The following SHH variants were observed in gnomAD, a reference collection of about 807,000 sequenced individuals.
SHH encodes sonic hedgehog signaling molecule.
Under a neutral mutation model 16.6 loss-of-function variants are expected in SHH, and 3 were observed. The ratio of observed to expected loss-of-function variants is 0.18; its 90% CI spans 0.08 to 0.47. The LOEUF (loss-of-function observed/expected upper bound fraction) is 0.47, where lower values mean the gene tolerates loss of function less well. Among genes scored for constraint, SHH ranks in the 20% least tolerant of loss-of-function variants. SHH has a pLI of 0.98. For missense variants in SHH, 499 were observed against 665.0 expected (o/e 0.75, Z 2.75); for synonymous variants, 351 against 316.2 (o/e 1.11, Z -1.17).
chr7:155,808,480 C>G (rs1279451783), intron 1 of SHH, among the ~76,000 whole-genome samples: 2 of 152,218 alleles, frequency 1.3e-5, no homozygotes, highest in Non-Finnish European at 2.9e-5. Flanking sequence ...CATGGAGGAC[C>G]CCGGGCAGGG....
At chr7:155,808,720 C>A (rs369707427) in intron 1 of SHH, among the ~76,000 whole-genome samples, 1 of 152,308 alleles carries the variant, frequency 6.6e-6, no homozygotes, top group South Asian at 2.1e-4. Flanking sequence ...GCGAATCAAG[C>A]CCGACTCTGT....
intron 2 of SHH, 121 bp downstream of exon 2, chr7:155,806,175 T>C (rs1326911742): frequency 1.6e-6 from 2 of 1,276,094 alleles, no homozygotes; most frequent in Admixed American, 1.7e-5. Context: ...AACGCAGTCA[T>C]CGCCCAGCGA....
rs1037338693 is a variant in SHH at position 155,809,767 on chromosome 7, G to T, written c.300+2056C>A. Reference sequence around the variant, plus strand: ...AGAAGTTCAAATGCTGCCTGTGCGCGCGGCGGCGAGAGTGGCCGGGCGCGG... The same window carrying T: ...AGAAGTTCAAATGCTGCCTGTGCGCTCGGCGGCGAGAGTGGCCGGGCGCGG... On this transcript the variant is annotated intron_variant, in intron 1 of 2. Coordinates refer to ENST00000297261, the MANE Select transcript of SHH (RefSeq NM_000193.4). The surrounding 1 kb of genome is among the most constrained non-coding windows in gnomAD (Gnocchi z 6.1). Among the ~76,000 whole-genome samples the T allele has an allele frequency of 3.9e-5, 6 of 152,016 alleles. No individual in the cohort carries two copies. The highest frequency in any genetic ancestry group is 7.4e-5 in the Non-Finnish European group (5 of 67,958).
In SHH at chr7:155,800,525, G is replaced by A. The variant is rs1563197475; in HGVS notation, c.*2375C>T. 2.1e-6 allele frequency: 1 copy of A among 470,520 alleles called. No homozygotes were observed. The highest frequency in any genetic ancestry group is 3.3e-4 in the Middle Eastern group (1 of 3,076). 29.1% of individuals were successfully genotyped at this position (470,520 alleles called of 1,614,324 possible). A position where few individuals can be genotyped will look rare whatever the true frequency, so the allele number is the denominator to read the frequency against. ...GCTGCACGGCCACATTGCCAGGTCT[G>A]TCTACACAGCCAGAGGAGCTGCTGT... On this transcript the variant is annotated 3_prime_UTR_variant, in exon 3 of 3. Transcript: ENST00000297261.
intron 1 of SHH, 177 bp from the exon 2 acceptor site, chr7:155,806,734 G>T: frequency 2.6e-6 from 2 of 782,468 alleles, no homozygotes; most frequent in Non-Finnish European, 4.5e-6. Flanking sequence ...CCTGGGCTGG[G>T]GAAGAGGGAC....
rs1481487167 is a variant in SHH, at chr7:155,812,370, C to G, written c.-248G>C. 1.7e-6 allele frequency: 1 copy of G among 584,590 alleles called. No individual in the cohort carries two copies. Among genetic ancestry groups the G allele is most frequent in the African/African-American group, 1.9e-5 (1 of 53,516 alleles). The allele number at this position is 584,590 out of a possible 1,614,324, so 36.2% of individuals were successfully genotyped here. A position where few individuals can be genotyped will look rare whatever the true frequency, so the allele number is the denominator to read the frequency against. ...GGCTGGAATGGCAGGCTGCCGGCCG[C>G]TGATAACGGAACACATCGGAGTTGG... is the stretch of plus-strand genomic sequence containing the variant. On this transcript the variant is annotated 5_prime_UTR_variant, in exon 1 of 3. Transcript: ENST00000297261.
intron 2 of SHH, among the ~76,000 whole-genome samples, chr7:155,805,533 G>A (rs914190054): frequency 1.3e-5 from 2 of 152,238 alleles, no homozygotes; most frequent in Non-Finnish European, 2.9e-5. Flanking sequence ...TTATGCGGGC[G>A]GAGAAGAGCG....
At position 155,812,244 on chromosome 7, in the gene SHH, G is replaced by T; in HGVS notation, c.-122C>A. ...TTCCCTTCCTCGCTCCGGCTCGCCC[G>T]CTCGCTCTCTCCCTCGCTGGCTGCC... On this transcript the variant is annotated 5_prime_UTR_variant, in exon 1 of 3. Transcript: ENST00000297261. 1 of 941,088 alleles carries T rather than the reference G, an allele frequency of 1.1e-6. No homozygotes were observed. Among genetic ancestry groups the T allele is most frequent in the Non-Finnish European group, 1.7e-6 (1 of 588,494 alleles). 58.3% of individuals were successfully genotyped at this position (941,088 alleles called of 1,614,324 possible). A position where few individuals can be genotyped will look rare whatever the true frequency, so the allele number is the denominator to read the frequency against.
In SHH at chr7:155,803,659, G is replaced by A. The variant is rs9333634; in HGVS notation, c.630C>T (p.Gly210=). The change falls in exon 3 of 3, where the codon GGC becomes GGT. Residue 210 remains glycine (G), a synonymous_variant. Coordinates refer to ENST00000297261, the MANE Select transcript of SHH (RefSeq NM_000193.4). The stretch of plus-strand genomic sequence containing the variant: ...TCAGGTCCTTCACCAGCTTGGTGCC[G>A]CCCTGCTCCAGGTGCACCGTGGCCG... ...PGSATVHLEQ[G]GTKLVKDLSP... The A allele has an allele frequency of 2.1e-3, 3,294 of 1,597,626 alleles. 68 individuals carry two copies. The African/African-American group carries it at 0.039, about 19-fold the overall frequency.
Position 155,811,925 on chromosome 7 carries a change from G to T in SHH, c.198C>A (p.Ile66=). ...LGASGRYEGK[I]SRNSERFKEL... is the part of the protein sequence containing the mutation. Reference sequence around the variant, plus strand: ...CCTTAAATCGCTCGGAGTTTCTGGAGATCTTCCCTTCATACCTTCCGCTGG... The same window carrying T: ...CCTTAAATCGCTCGGAGTTTCTGGATATCTTCCCTTCATACCTTCCGCTGG... The change falls in exon 1 of 3, where the codon ATC becomes ATA. Residue 66 remains isoleucine, a synonymous_variant. Coordinates refer to ENST00000297261, the MANE Select transcript of SHH (RefSeq NM_000193.4). The T allele has an allele frequency of 1.4e-5, 23 of 1,614,160 alleles. No homozygotes were observed. The highest frequency in any genetic ancestry group is 1.9e-5 in the Non-Finnish European group (23 of 1,180,016).
Position 155,803,442 on chromosome 7 carries a change from C to A in SHH, c.847G>T (p.Gly283Trp), listed in dbSNP as rs921945144. ...FVAPHNDSAT[G>W]EPEASSGSGP... is the part of the protein sequence containing the mutation. ...GAGCCCGAGGACGCCTCGGGCTCCCCGGTGGCCGAGTCGTTGTGCGGCGCC... is the reference window on the plus strand; with the variant it reads ...GAGCCCGAGGACGCCTCGGGCTCCCAGGTGGCCGAGTCGTTGTGCGGCGCC... The change falls in exon 3 of 3, where the codon GGG becomes TGG. Residue 283 changes from glycine to tryptophan, a missense_variant. Around this residue, in one of 4 missense-constraint regions of SHH, gnomAD observed 299 missense variants for 301.1 expected, o/e 0.99. Coordinates refer to ENST00000297261, the MANE Select transcript of SHH (RefSeq NM_000193.4). 2.1e-5 allele frequency: 32 copies of A among 1,540,080 alleles called. No homozygotes were observed. The highest frequency in any genetic ancestry group is 2.8e-5 in the Non-Finnish European group (32 of 1,147,916).
At chr7:155,804,227 G>GGCCCGCCTGCCCGCCTGCCCGCCT (rs112069193) in intron 2 of SHH, among the ~76,000 whole-genome samples, 8 of 151,074 alleles carry the variant, frequency 5.3e-5, no homozygotes, top group African/African-American at 1.9e-4. Context: ...GGAAACCCCT[G>GGCCCGCCTGCCCGCCTGCCCGCCT]GCCCGCCTGC....
rs749302937 is a variant in SHH at position 155,803,226 on chromosome 7, G to C, written c.1063C>G (p.Leu355Val). Residue 355 changes from leucine to valine, a missense_variant, in exon 3 of 3, where the codon CTC becomes GTC. This residue lies in a region of SHH where 299 missense variants were observed against 301.1 expected (regional missense o/e 0.99). Transcript: ENST00000297261. ...CACGAGGCCAGCACCCGGTTGATGAGAATGGTGCCCTGGGCCGTGAGCGGC... is the reference window on the plus strand; with the variant it reads ...CACGAGGCCAGCACCCGGTTGATGACAATGGTGCCCTGGGCCGTGAGCGGC... ...YAPLTAQGTI[L>V]INRVLASCYA... 1 of 1,518,996 alleles carries C rather than the reference G, an allele frequency of 6.6e-7. No individual in the cohort carries two copies. The highest frequency in any genetic ancestry group is 8.8e-7 in the Non-Finnish European group (1 of 1,140,138). The allele number at this position is 1,518,996 out of a possible 1,614,324, so 94.1% of individuals were successfully genotyped here. A position where few individuals can be genotyped will look rare whatever the true frequency, so the allele number is the denominator to read the frequency against.
Position 155,803,334 on chromosome 7 carries a change from C to A in SHH, c.955G>T (p.Ala319Ser). Residue 319 changes from alanine to serine, a missense_variant, in exon 3 of 3, where the codon GCC (alanine) becomes TCC (serine). Coordinates refer to ENST00000297261, the MANE Select transcript of SHH (RefSeq NM_000193.4). Reference sequence around the variant, plus strand: ...AGCCGGCGGTCCCCGTCACGCTCGGCCACCACGTACACGCGCTGGCCCGGG... The same window carrying A: ...AGCCGGCGGTCCCCGTCACGCTCGGACACCACGTACACGCGCTGGCCCGGG... ...VRPGQRVYVV[A>S]ERDGDRRLLP... The A allele has an allele frequency of 6.8e-7, 1 of 1,474,398 alleles. No individual in the cohort carries two copies. The allele number at this position is 1,474,398 out of a possible 1,614,324, so 91.3% of individuals were successfully genotyped here.
intron 1 of SHH, among the ~76,000 whole-genome samples, chr7:155,810,832 A>G (rs1451554861): frequency 1.3e-5 from 2 of 152,242 alleles, no homozygotes; most frequent in Admixed American, 6.5e-5. Context: ...ATAGGGCAAT[A>G]AAAAGGATGT....
At position 155,807,426 on chromosome 7, in the gene SHH, A is replaced by G. The variant is rs981650760; in HGVS notation, c.301-869T>C. The G allele has an allele frequency of 2.7e-5, 4 of 147,304 alleles. No homozygotes were observed. Among genetic ancestry groups the G allele is most frequent in the Non-Finnish European group, 6.0e-5 (4 of 66,754 alleles). The allele number at this position is 147,304 out of a possible 1,614,324, so 9.1% of individuals were successfully genotyped here. ...TCCAGCAAGTTTGAAGAGCAAACTG[A>G]AGAGGTGGAGGGAGGGGGAGGGGTT... On this transcript the variant is annotated intron_variant, in intron 1 of 2. Coordinates refer to ENST00000297261, the MANE Select transcript of SHH (RefSeq NM_000193.4). This position sits in a 1 kb window ranked among gnomAD's most constrained non-coding sequence, Gnocchi z 7.1.
rs1433670298 is a variant in SHH at position 155,806,391 on chromosome 7, C to G, written c.467G>C (p.Ser156Thr). The change falls in exon 2 of 3, where the codon AGC (serine) becomes ACC (threonine). Residue 156 changes from serine to threonine, a missense_variant. Coordinates refer to ENST00000297261, the MANE Select transcript of SHH (RefSeq NM_000193.4). ...CAGGCGGGCCAGCATGCCGTACTTG[C>G]TGCGGTCGCGGTCAGACGTGGTGAT... Reference protein sequence around the residue: ...VDITTSDRDRSKYGMLARLAV... With the variant: ...VDITTSDRDRTKYGMLARLAV... 2 of 1,613,776 alleles carry G rather than the reference C, an allele frequency of 1.2e-6. No individual in the cohort carries two copies. Among genetic ancestry groups the G allele is most frequent in the South Asian group, 1.1e-5 (1 of 91,092 alleles).
At position 155,803,538 on chromosome 7, in the gene SHH, C is replaced by A. The variant is rs756396169; in HGVS notation, c.751G>T (p.Val251Phe). Residue 251 changes from valine (V) to phenylalanine (F), a missense_variant, in exon 3 of 3, where the codon GTC becomes TTC. Around this residue, in one of 4 missense-constraint regions of SHH, gnomAD observed 114 missense variants for 200.4 expected, o/e 0.57. Transcript: ENST00000297261. ...TCCCGCGTCTCGATCACGTAGAAGA[C>A]CTTCTTGGCGCCGTCGTCGCGGTCC... ...FLDRDDGAKK[V>F]FYVIETREPR... is the part of the protein sequence containing the mutation. The A allele has an allele frequency of 8.8e-6, 14 of 1,594,382 alleles. No homozygotes were observed. The South Asian group carries it at 1.1e-4, about 13-fold the overall frequency.
At position 155,807,930 on chromosome 7, in the gene SHH, C is replaced by A. The variant is rs1803407994; in HGVS notation, c.301-1373G>T. On this transcript the variant is annotated intron_variant, in intron 1 of 2. Transcript: ENST00000297261. This position sits in a 1 kb window ranked among gnomAD's most constrained non-coding sequence, Gnocchi z 7.1. ...CTTCTATCCAGGGCCCTAACTGTAGCGTGGGTTGGGGGGACTCTTTCGAGA... is the reference window on the plus strand; with the variant it reads ...CTTCTATCCAGGGCCCTAACTGTAGAGTGGGTTGGGGGGACTCTTTCGAGA... Among the ~76,000 whole-genome samples the A allele has an allele frequency of 6.6e-6, 1 of 151,992 alleles. No individual in the cohort carries two copies. The highest frequency in any genetic ancestry group is 2.1e-4 in the South Asian group (1 of 4,810).
Sources: allele counts gnomAD v4.1 joint callset (sites outside exome capture counted in the v4.1 genomes callset), GRCh38; gene constraint gnomAD v4.1.1; regional missense constraint gnomAD v4.1.1; non-coding constraint Gnocchi (gnomAD v3.1); transcripts MANE v1.5; gene names NCBI Gene and HGNC (gene_info 2026-07-23, HGNC 2026-07-21).